MOB3B: variants seen among roughly 807,000 people sequenced by gnomAD.
MOB3B encodes MOB kinase activator 3B.
Under a neutral mutation model 18.7 loss-of-function variants are expected in MOB3B, and 7 were observed. The observed-to-expected ratio is 0.37, with a 90% confidence interval of 0.21 to 0.70. MOB3B has a LOEUF of 0.70. Ranked by LOEUF, MOB3B falls within the 30% of genes least tolerant of loss-of-function variation. The pLI, the probability that MOB3B is intolerant of heterozygous loss-of-function variation, is 0.52. For missense variants in MOB3B, 253 were observed against 281.3 expected, an observed-to-expected ratio of 0.90 and a Z score of 0.72; for synonymous variants, 111 against 99.9, an observed-to-expected ratio of 1.11 and a Z score of -0.66.
At chr9:27,336,950 C>T (rs780082713) in intron 3 of MOB3B, among the ~76,000 whole-genome samples, 3 of 152,190 alleles carry the variant, frequency 2.0e-5, no homozygotes, top group African/African-American at 4.8e-5. Flanking sequence ...CGGAAAAGGC[C>T]GTCAAAGGGT....
chr9:27,365,822 T>C (rs1223726505), intron 2 of MOB3B, among the ~76,000 whole-genome samples: 1 of 152,118 alleles, frequency 6.6e-6, no homozygotes, highest in Non-Finnish European at 1.5e-5. Flanking sequence ...TTGGGTCATG[T>C]GATGTAGCTT....
intron 2 of MOB3B, among the ~76,000 whole-genome samples, chr9:27,376,740 T>C (rs1444707555): frequency 6.6e-6 from 1 of 152,196 alleles, no homozygotes. Flanking sequence ...GCACCAGCAA[T>C]ATCTGGGAGC....
At chr9:27,350,741 T>C (rs1243140375) in intron 3 of MOB3B, among the ~76,000 whole-genome samples, 2 of 152,056 alleles carry the variant, frequency 1.3e-5, no homozygotes, top group Non-Finnish European at 2.9e-5. Context: ...CTCCCACTAA[T>C]CTCTGAGCCT....
chr9:27,330,750 G>T (rs1438316544), intron 3 of MOB3B, 134 bp from the exon 4 acceptor site: 1 of 1,315,490 alleles, frequency 7.6e-7, no homozygotes, highest in Non-Finnish European at 1.1e-6. Flanking sequence ...CATGAATAAG[G>T]CTTAGCATGA....
At chr9:27,359,343 C>T (rs553772122) in intron 2 of MOB3B, 107 bp from the exon 3 acceptor site, 2 of 898,178 alleles carry the variant, frequency 2.2e-6, no homozygotes, top group African/African-American at 3.3e-5. Flanking sequence ...GGGAGACTGG[C>T]ACCCGTCACA....
intron 1 of MOB3B, among the ~76,000 whole-genome samples, chr9:27,491,102 T>C (rs1032168930): frequency 3.3e-5 from 5 of 152,192 alleles, no homozygotes; most frequent in African/African-American, 7.2e-5. Context: ...CCTTTGTATA[T>C]ATTATTTCTT....
At chr9:27,378,693 G>T in intron 2 of MOB3B, 1 of 471,052 alleles carries the variant, frequency 2.1e-6, no homozygotes. Context: ...GGGGAATCCT[G>T]TGCATCTTTG....
chr9:27,483,379 G>T (rs1270325084), intron 1 of MOB3B, among the ~76,000 whole-genome samples: 2 of 151,992 alleles, frequency 1.3e-5, no homozygotes, highest in South Asian at 2.1e-4. Flanking sequence ...TGATCCGCCC[G>T]CCTCGGCCTC....
intron 1 of MOB3B, 77 bp from the exon 2 acceptor site, chr9:27,455,825 C>T (rs10967945): frequency 0.15 from 194,056 of 1,328,112 alleles, 14,928 homozygotes; most frequent in African/African-American, 0.18. Context: ...ACCTGATTTC[C>T]ACCTTGTGTT....
At chr9:27,429,800 T>C (rs768846435) in intron 2 of MOB3B, among the ~76,000 whole-genome samples, 1 of 152,052 alleles carries the variant, frequency 6.6e-6, no homozygotes, top group Non-Finnish European at 1.5e-5. Flanking sequence ...TAATACTGAG[T>C]TTCAAGGTTG....
At chr9:27,478,154 T>C (rs1819583944) in intron 1 of MOB3B, among the ~76,000 whole-genome samples, 2 of 152,186 alleles carry the variant, frequency 1.3e-5, no homozygotes, top group Admixed American at 1.3e-4. Flanking sequence ...AACTAATAGA[T>C]CACTATAAAA....
chr9:27,515,589 T>C (rs1055849198), intron 1 of MOB3B, among the ~76,000 whole-genome samples: 3 of 152,238 alleles, frequency 2.0e-5, no homozygotes, highest in East Asian at 1.9e-4. Context: ...TTATTATTAA[T>C]AGCTATACAG....
At chr9:27,501,128 T>C (rs1025904604) in intron 1 of MOB3B, among the ~76,000 whole-genome samples, 6 of 152,098 alleles carry the variant, frequency 3.9e-5, no homozygotes, top group Admixed American at 3.3e-4. Flanking sequence ...TGTGGAGAAA[T>C]AGGAATGCTA....
intron 3 of MOB3B, among the ~76,000 whole-genome samples, chr9:27,358,697 G>A (rs977179845): frequency 6.6e-6 from 1 of 152,202 alleles, no homozygotes; most frequent in African/African-American, 2.4e-5. Flanking sequence ...CAGAGTGAGA[G>A]ATAATATAAA....
intron 2 of MOB3B, among the ~76,000 whole-genome samples, chr9:27,386,614 A>G (rs1821653239): frequency 6.6e-6 from 1 of 152,236 alleles, no homozygotes; most frequent in Non-Finnish European, 1.5e-5. Context: ...CTATATATGT[A>G]GCACAAACAG....
chr9:27,441,426 T>G (rs1822593137), intron 2 of MOB3B, among the ~76,000 whole-genome samples: 1 of 152,158 alleles, frequency 6.6e-6, no homozygotes, highest in African/African-American at 2.4e-5. Flanking sequence ...TCTTGCACTT[T>G]GGAGCCATCA....
At chr9:27,463,010 C>G (rs1819317785) in intron 1 of MOB3B, among the ~76,000 whole-genome samples, 1 of 152,224 alleles carries the variant, frequency 6.6e-6, no homozygotes, top group African/African-American at 2.4e-5. Flanking sequence ...CAGCACACAG[C>G]TTTTGCAGGG....
chr9:27,359,339 C>T lies in MOB3B; in HGVS notation c.419-103G>A, dbSNP rs17768560. The T allele has an allele frequency of 3.4e-3, 3,031 of 880,058 alleles. 19 individuals carry two copies. The highest frequency in any genetic ancestry group is 0.015 in the Middle Eastern group (54 of 3,540). 54.5% of individuals were successfully genotyped at this position (880,058 alleles called of 1,614,324 possible). On this transcript the variant is annotated intron_variant, in intron 2 of 3. Coordinates refer to ENST00000262244, the MANE Select transcript of MOB3B (RefSeq NM_024761.5). ...GTCTGAGGGCAATGCTACAGGGAGA[C>T]TGGCACCCGTCACAGGAGTCATAGG...
Position 27,412,322 on chromosome 9 carries a change from A to G in MOB3B, c.418+42811T>C, listed in dbSNP as rs572590786. On this transcript the variant is annotated intron_variant, in intron 2 of 3. Coordinates refer to ENST00000262244, the MANE Select transcript of MOB3B (RefSeq NM_024761.5). ...TCCTTTCCTGGAGATTCTTCCCCAG[A>G]GCAATATCTTAAAGATTCCTAGTAG... Among the ~76,000 whole-genome samples, 4 of 150,610 alleles carry G rather than the reference A, an allele frequency of 2.7e-5. No individual in the cohort carries two copies. The South Asian group carries it at 8.4e-4, about 32-fold the overall frequency.
Sources: allele counts gnomAD v4.1 joint callset (sites outside exome capture counted in the v4.1 genomes callset), GRCh38; gene constraint gnomAD v4.1.1; transcripts MANE v1.5; gene names NCBI Gene and HGNC (gene_info 2026-07-23, HGNC 2026-07-21).